LHFPL3: variants seen among roughly 807,000 people sequenced by gnomAD.
The protein encoded by LHFPL3 is LHFPL tetraspan subfamily member 3.
In LHFPL3, 5 loss-of-function variants were observed where a neutral mutation model predicts 19.3. The ratio of observed to expected loss-of-function variants is 0.26; its 90% CI spans 0.14 to 0.54. The LOEUF is 0.54. LHFPL3 is among the 20% of genes least tolerant of loss of function. The probability of loss-of-function intolerance (pLI) is 0.94; values close to 1 mark genes in which losing one functional copy is unlikely to be tolerated. For missense variants in LHFPL3, 249 were observed against 307.4 expected, an observed-to-expected ratio of 0.81 and a Z score of 1.42; for synonymous variants, 133 against 126.2, an observed-to-expected ratio of 1.05 and a Z score of -0.36.
chr7:104,469,940 C>T, intron 1 of LHFPL3: 1 of 453,890 alleles, frequency 2.2e-6, no homozygotes, highest in Non-Finnish European at 4.4e-6. Context: ...AGTTATAGCA[C>T]AATCATAGAA....
At chr7:104,837,298 A>G (rs575915652) in intron 2 of LHFPL3, among the ~76,000 whole-genome samples, 1 of 152,338 alleles carries the variant, frequency 6.6e-6, no homozygotes, top group Admixed American at 6.5e-5. Flanking sequence ...GATCTACCCT[A>G]GAGCTGATTG....
chr7:104,856,478 G>A (rs1021058061), intron 2 of LHFPL3, among the ~76,000 whole-genome samples: 25 of 151,810 alleles, frequency 1.6e-4, no homozygotes, highest in African/African-American at 5.6e-4. Flanking sequence ...TCAAACTCCT[G>A]ACCTCGTGAT....
At chr7:104,703,425 A>T (rs1383376351) in intron 1 of LHFPL3, among the ~76,000 whole-genome samples, 1 of 152,212 alleles carries the variant, frequency 6.6e-6, no homozygotes, top group African/African-American at 2.4e-5. Context: ...ATTTTGCCTC[A>T]GTCTGCTATG....
intron 2 of LHFPL3, among the ~76,000 whole-genome samples, chr7:104,835,280 G>A (rs944612219): frequency 7.4e-5 from 11 of 148,804 alleles, no homozygotes; most frequent in African/African-American, 2.5e-4. Flanking sequence ...CTTAAATATC[G>A]TTCCATCAAC....
chr7:104,438,822 A>AT (rs1414740328), intron 1 of LHFPL3, among the ~76,000 whole-genome samples: 13 of 152,108 alleles, frequency 8.5e-5, no homozygotes, highest in African/African-American at 2.9e-4. Context: ...ATTTTTTAAA[A>AT]AAACAACAAA....
intron 2 of LHFPL3, among the ~76,000 whole-genome samples, chr7:104,854,027 C>G (rs1228701724): frequency 1.3e-5 from 2 of 152,120 alleles, no homozygotes; most frequent in Non-Finnish European, 2.9e-5. Context: ...TCCTTTTACC[C>G]TTTTGAGTTC....
chr7:104,489,205 C>A lies in LHFPL3; in HGVS notation c.445+159981C>A, dbSNP rs1402773889. Among the ~76,000 whole-genome samples, 5 of 92,742 alleles carry A rather than the reference C, an allele frequency of 5.4e-5. 2 individuals are homozygous for A. The highest frequency in any genetic ancestry group is 8.1e-5 in the Non-Finnish European group (3 of 37,118). The allele number at this position is 92,742 out of a possible 152,430, so 60.8% of individuals were successfully genotyped here. ...TCACGCCATTCTCCTGCCTCAGCCT[C>A]CCAAGTAGCTGGGACTACAGGCGCC... On this transcript the variant is annotated intron_variant, in intron 1 of 2. Coordinates refer to ENST00000424859, the MANE Select transcript of LHFPL3 (RefSeq NM_199000.3).
At chr7:104,331,843 G>C (rs551205102) in intron 1 of LHFPL3, among the ~76,000 whole-genome samples, 27 of 152,000 alleles carry the variant, frequency 1.8e-4, no homozygotes, top group Non-Finnish European at 2.8e-4. Flanking sequence ...CCAGCTACTT[G>C]GGAGGCTGAG....
At chr7:104,373,673 G>A (rs1044087972) in intron 1 of LHFPL3, among the ~76,000 whole-genome samples, 3 of 137,038 alleles carry the variant, frequency 2.2e-5, no homozygotes, top group South Asian at 5.3e-4. Flanking sequence ...AGAAAGGCGG[G>A]AAAAACTCAA....
At position 104,538,266 on chromosome 7, in the gene LHFPL3, A is replaced by G. The variant is rs144410583; in HGVS notation, c.446-198409A>G. Among the ~76,000 whole-genome samples the G allele has an allele frequency of 1.7e-4, 26 of 152,334 alleles. No homozygotes were observed. In the East Asian group the frequency reaches 5.0e-3, roughly 29 times the overall value. ...GAACTTGTGAGAAATGTGTCCTTAG[A>G]TTAAAGCTCAGGAAGCCTAACCATG... On this transcript the variant is annotated intron_variant, in intron 1 of 2. Coordinates refer to ENST00000424859, the MANE Select transcript of LHFPL3 (RefSeq NM_199000.3).
chr7:104,517,125 C>T (rs1238019380), intron 1 of LHFPL3, among the ~76,000 whole-genome samples: 1 of 151,948 alleles, frequency 6.6e-6, no homozygotes, highest in African/African-American at 2.4e-5. Context: ...AGGAACAACC[C>T]ACAGTGGGGC....
Position 104,541,113 on chromosome 7 carries a change from C to CAT in LHFPL3, c.446-195561_446-195560insTA, listed in dbSNP as rs1794478006. ...ACACATCCTCCCCATGACACACACA[C>CAT]ACACACACACACACACACACACACA... On this transcript the variant is annotated intron_variant, in intron 1 of 2. Coordinates refer to ENST00000424859, the MANE Select transcript of LHFPL3 (RefSeq NM_199000.3). Among the ~76,000 whole-genome samples, 3 of 141,390 alleles carry CAT rather than the reference C, an allele frequency of 2.1e-5. 1 individual carries two copies. In the East Asian group the frequency reaches 6.6e-4, roughly 31 times the overall value. The allele number at this position is 141,390 out of a possible 152,430, so 92.8% of individuals were successfully genotyped here. A position where few individuals can be genotyped will look rare whatever the true frequency, so the allele number is the denominator to read the frequency against.
chr7:104,380,781 A>G (rs1790811593), intron 1 of LHFPL3, among the ~76,000 whole-genome samples: 1 of 152,190 alleles, frequency 6.6e-6, no homozygotes, highest in Admixed American at 6.5e-5. Flanking sequence ...ACTTAAAAAT[A>G]TGTCATTTAT....
chr7:104,551,554 T>G (rs868020354), intron 1 of LHFPL3, among the ~76,000 whole-genome samples: 1 of 152,112 alleles, frequency 6.6e-6, no homozygotes, highest in African/African-American at 2.4e-5. Flanking sequence ...TATCAAGGTA[T>G]TTTGAACACA....
intron 1 of LHFPL3, among the ~76,000 whole-genome samples, chr7:104,416,166 G>C (rs998788040): frequency 4.6e-5 from 7 of 152,162 alleles, no homozygotes; most frequent in Admixed American, 1.3e-4. Context: ...AAAGGGAGAA[G>C]ATGGCCAAGT....
chr7:104,363,781 A>T (rs1790435314), intron 1 of LHFPL3, among the ~76,000 whole-genome samples: 1 of 152,254 alleles, frequency 6.6e-6, no homozygotes, highest in African/African-American at 2.4e-5. Flanking sequence ...GCTTTCACCC[A>T]GAGTGACATG....
At chr7:104,345,971 C>T (rs116885064) in intron 1 of LHFPL3, among the ~76,000 whole-genome samples, 3,400 of 151,412 alleles carry the variant, frequency 0.022, 45 homozygotes, top group Non-Finnish European at 0.034. Context: ...TTTCTTACTT[C>T]TAATATTGTC....
chr7:104,361,118 A>T (rs1450255028), intron 1 of LHFPL3, among the ~76,000 whole-genome samples: 4 of 152,208 alleles, frequency 2.6e-5, no homozygotes, highest in Non-Finnish European at 5.9e-5. Context: ...TTCGCATTAC[A>T]AGGGCAGAGT....
At chr7:104,682,582 G>A (rs546922111) in intron 1 of LHFPL3, among the ~76,000 whole-genome samples, 46 of 152,132 alleles carry the variant, frequency 3.0e-4, no homozygotes, top group Non-Finnish European at 4.4e-4. Context: ...AACCTCTGGC[G>A]ACTGGTGCTG....
Sources: allele counts gnomAD v4.1 joint callset (sites outside exome capture counted in the v4.1 genomes callset), GRCh38; gene constraint gnomAD v4.1.1; transcripts MANE v1.5; gene names NCBI Gene and HGNC (gene_info 2026-07-23, HGNC 2026-07-21).